NAV3: variants seen among roughly 807,000 people sequenced by gnomAD.
The protein encoded by NAV3 is neuron navigator 3.
A neutral mutation model predicts 244.7 loss-of-function variants in NAV3; 87 were observed. The ratio of observed to expected loss-of-function variants is 0.36; its 90% CI spans 0.30 to 0.42. The LOEUF is 0.42. NAV3 is among the 20% of genes least tolerant of loss of function. NAV3 has a pLI of 1.00. For synonymous variants in NAV3, 1,126 were observed against 1,042.2 expected (o/e 1.08, Z -1.55); for missense variants, 2,663 against 2,893.3 (o/e 0.92, Z 1.83).
intron 12 of NAV3, among the ~76,000 whole-genome samples, chr12:78,070,223 T>G (rs1320055021): frequency 6.6e-6 from 1 of 152,116 alleles, no homozygotes; most frequent in Admixed American, 6.6e-5. Context: ...TGGTGCCACA[T>G]ATATTGCTGA....
intron 2 of NAV3, among the ~76,000 whole-genome samples, chr12:77,760,546 T>A (rs1210226606): frequency 6.6e-6 from 1 of 152,206 alleles, no homozygotes; most frequent in Non-Finnish European, 1.5e-5. Flanking sequence ...AATATTAGTC[T>A]AGCTGTCCGT....
At chr12:77,617,411 T>A (rs1484295106) in intron 2 of NAV3, among the ~76,000 whole-genome samples, 2 of 152,160 alleles carry the variant, frequency 1.3e-5, no homozygotes, top group Non-Finnish European at 1.5e-5. Context: ...TCCTTTGGAT[T>A]ACTTGTCCTG....
In NAV3 at chr12:78,199,316, A is replaced by ATT; in HGVS notation, c.6519-12_6519-11dup. The ATT allele has an allele frequency of 2.6e-6, 4 of 1,548,546 alleles. No homozygotes were observed. Among genetic ancestry groups the ATT allele is most frequent in the Non-Finnish European group, 3.5e-6 (4 of 1,144,294 alleles). ...AATTTAATTTATATAAAAATGTCTGATTTTTTTTCTTTTTGTAGGTGGGTA... is the reference window on the plus strand; with the variant it reads ...AATTTAATTTATATAAAAATGTCTGATTTTTTTTTTCTTTTTGTAGGTGGGTA... On this transcript the variant is annotated intron_variant, in intron 36 of 39. Coordinates refer to ENST00000397909, the MANE Select transcript of NAV3 (RefSeq NM_001024383.2).
At chr12:78,006,023 T>A (rs776730843) in intron 7 of NAV3, among the ~76,000 whole-genome samples, 51 of 152,312 alleles carry the variant, frequency 3.3e-4, no homozygotes, top group Admixed American at 7.2e-4. Flanking sequence ...TTATACAACA[T>A]ATTTTTATAG....
intron 2 of NAV3, among the ~76,000 whole-genome samples, chr12:77,683,858 G>A (rs1874585931): frequency 6.6e-6 from 1 of 151,722 alleles, no homozygotes; most frequent in Non-Finnish European, 1.5e-5. Flanking sequence ...GGACATTTGA[G>A]TTTTTTTCAG....
rs1955489976 is a variant in NAV3 at position 78,117,880 on chromosome 12, T to G, written c.2770-147T>G. ...CTAATATCTGCAAGTGGGAATTATG[T>G]GGCTAAAATTAATAAAATGTAAGTG... On this transcript the variant is annotated intron_variant, in intron 13 of 39. Coordinates refer to ENST00000397909, the MANE Select transcript of NAV3 (RefSeq NM_001024383.2). The G allele has an allele frequency of 2.3e-5, 18 of 773,510 alleles. No homozygotes were observed. The South Asian group carries it at 5.5e-4, about 24-fold the overall frequency. The allele number at this position is 773,510 out of a possible 1,614,324, so 47.9% of individuals were successfully genotyped here. A position where few individuals can be genotyped will look rare whatever the true frequency, so the allele number is the denominator to read the frequency against.
At chr12:77,652,257 A>G (rs761214698) in intron 2 of NAV3, among the ~76,000 whole-genome samples, 1 of 152,156 alleles carries the variant, frequency 6.6e-6, no homozygotes, top group Admixed American at 6.5e-5. Context: ...ACCCCGCCCA[A>G]GGTCACACTG....
intron 18 of NAV3, among the ~76,000 whole-genome samples, chr12:78,129,596 A>C: frequency 6.6e-6 from 1 of 152,162 alleles, no homozygotes; most frequent in East Asian, 1.9e-4. Flanking sequence ...AAAACTAAAC[A>C]TGCCAGATAC....
intron 19 of NAV3, among the ~76,000 whole-genome samples, chr12:78,139,444 T>C (rs1399993842): frequency 2.6e-5 from 4 of 152,202 alleles, no homozygotes; most frequent in African/African-American, 9.6e-5. Context: ...TCTTATTTAT[T>C]TTTGTAGTTC....
chr12:77,774,490 CAG>C (rs1870251010), intron 2 of NAV3, among the ~76,000 whole-genome samples: 8 of 152,102 alleles, frequency 5.3e-5, no homozygotes, highest in Non-Finnish European at 1.2e-4. Context: ...TGAAATGAGA[CAG>C]GGTATACATG....
chr12:77,871,920 C>T (rs1236703626), intron 1 of NAV3, among the ~76,000 whole-genome samples: 5 of 152,134 alleles, frequency 3.3e-5, no homozygotes, highest in Non-Finnish European at 7.3e-5. Flanking sequence ...TAAAAGCATT[C>T]TTATTTCTCC....
At chr12:78,191,636 A>G (rs1958986909) in intron 34 of NAV3, among the ~76,000 whole-genome samples, 1 of 152,180 alleles carries the variant, frequency 6.6e-6, no homozygotes, top group South Asian at 2.1e-4. Flanking sequence ...AAAGACATAG[A>G]ACCTGAGGTA....
In NAV3 at chr12:77,971,503, T is replaced by G. The variant is rs148528585; in HGVS notation, c.671+2801T>G. The stretch of plus-strand genomic sequence containing the variant: ...ATAGATTTAGTGTATCACATTAATA[T>G]GTAAATTAGAATTTATGTGGACTTA... On this transcript the variant is annotated intron_variant, in intron 5 of 39. Transcript: ENST00000397909. Among the ~76,000 whole-genome samples, 598 of 152,204 alleles carry G rather than the reference T, an allele frequency of 3.9e-3. 4 individuals carry two copies. The highest frequency in any genetic ancestry group is 0.014 in the African/African-American group (568 of 41,566).
intron 2 of NAV3, among the ~76,000 whole-genome samples, chr12:77,802,584 G>C (rs578256364): frequency 6.6e-6 from 1 of 152,332 alleles, no homozygotes; most frequent in Non-Finnish European, 1.5e-5. Flanking sequence ...ATAAATTCTA[G>C]AGTAATGTAA....
At chr12:77,649,876 G>T (rs1444708537) in intron 2 of NAV3, among the ~76,000 whole-genome samples, 3 of 152,042 alleles carry the variant, frequency 2.0e-5, no homozygotes, top group Admixed American at 2.0e-4. Flanking sequence ...TTACCAAGAA[G>T]ACCTTGAGTT....
intron 2 of NAV3, among the ~76,000 whole-genome samples, chr12:77,719,534 A>G (rs1876515952): frequency 6.6e-6 from 1 of 152,090 alleles, no homozygotes; most frequent in South Asian, 2.1e-4. Flanking sequence ...ATTTTGTCAA[A>G]TGATTTTTCT....
intron 1 of NAV3, among the ~76,000 whole-genome samples, chr12:77,911,780 A>G (rs1249009460): frequency 1.3e-5 from 2 of 152,140 alleles, no homozygotes; most frequent in Non-Finnish European, 2.9e-5. Context: ...TCTAAAATTA[A>G]TGTTTTAAAT....
At chr12:77,739,609 A>G (rs775543643) in intron 2 of NAV3, among the ~76,000 whole-genome samples, 1 of 152,196 alleles carries the variant, frequency 6.6e-6, no homozygotes, top group African/African-American at 2.4e-5. Flanking sequence ...CACAACTAGT[A>G]GTGAAAATTG....
chr12:77,632,124 G>C (rs967175826), intron 2 of NAV3, among the ~76,000 whole-genome samples: 2 of 152,108 alleles, frequency 1.3e-5, no homozygotes, highest in Non-Finnish European at 2.9e-5. Flanking sequence ...TCCATTGAGA[G>C]ACATAACTTG....
Sources: gnomAD v4.1 joint callset for allele counts (sites outside exome capture counted in the v4.1 genomes callset) on GRCh38, gnomAD v4.1.1 for gene constraint, MANE v1.5 for transcripts, NCBI Gene and HGNC (gene_info 2026-07-23, HGNC 2026-07-21) for gene names.